Variants in TRDN observed in about 807,000 individuals in gnomAD.
The protein encoded by TRDN is triadin in skeletal muscle.
In TRDN, 161 loss-of-function variants were observed where a neutral mutation model predicts 149.7. The observed-to-expected ratio is 1.08, with a 90% CI of 0.95 to 1.23. The LOEUF (loss-of-function observed/expected upper bound fraction) is 1.23. Ranked by LOEUF, TRDN falls within the 50% of genes most tolerant of loss-of-function variation. TRDN has a pLI of 0.00. For missense variants in TRDN, 896 were observed against 823.5 expected (o/e 1.09, Z -1.08); for synonymous variants, 294 against 250.5 (o/e 1.17, Z -1.64).
At chr6:123,632,841 G>A (rs1054211170) in intron 1 of TRDN, among the ~76,000 whole-genome samples, 2 of 151,914 alleles carry the variant, frequency 1.3e-5, no homozygotes, top group Non-Finnish European at 2.9e-5. Flanking sequence ...AAGTAGTCTG[G>A]CTGTGAATTC....
At chr6:123,333,798 C>T (rs1779756982) in intron 22 of TRDN, among the ~76,000 whole-genome samples, 1 of 151,948 alleles carries the variant, frequency 6.6e-6, no homozygotes, top group Non-Finnish European at 1.5e-5. Context: ...TCTTGTTTGT[C>T]AAAAGCAGAA....
intron 20 of TRDN, among the ~76,000 whole-genome samples, chr6:123,360,623 C>T (rs1403096860): frequency 3.3e-5 from 5 of 151,216 alleles, no homozygotes; most frequent in African/African-American, 1.2e-4. Context: ...TTGTGGAAGG[C>T]CAGAGGCAGT....
intron 8 of TRDN, among the ~76,000 whole-genome samples, chr6:123,499,876 C>T (rs1263473357): frequency 1.3e-5 from 2 of 150,266 alleles, no homozygotes; most frequent in African/African-American, 2.4e-5. Flanking sequence ...TATTGGTAAT[C>T]TAGAGATGAT....
At chr6:123,223,672 TCTTCCTTC>T (rs59071931) in intron 39 of TRDN, among the ~76,000 whole-genome samples, 2,776 of 105,764 alleles carry the variant, frequency 0.026, 57 homozygotes, top group African/African-American at 0.055. Context: ...GCCTTCCATT[TCTTCCTTC>T]CTTCCTTCCT....
At chr6:123,514,002 T>C (rs4612191) in intron 6 of TRDN, among the ~76,000 whole-genome samples, 128,900 of 152,112 alleles carry the variant, frequency 0.85, 54,674 homozygotes, top group East Asian at 0.88. Flanking sequence ...AAAATTAAGT[T>C]AGAATCTTAC....
At chr6:123,616,177 C>A (rs1408217176) in intron 1 of TRDN, among the ~76,000 whole-genome samples, 3 of 151,962 alleles carry the variant, frequency 2.0e-5, no homozygotes, top group Non-Finnish European at 4.4e-5. Context: ...ACAGTAAGAT[C>A]CTGTCTCTAC....
chr6:123,297,049 C>T (rs1189464805), intron 24 of TRDN, among the ~76,000 whole-genome samples: 2 of 151,964 alleles, frequency 1.3e-5, no homozygotes, highest in African/African-American at 4.8e-5. Flanking sequence ...TTGGAAAGTC[C>T]TTTAAACAAG....
intron 8 of TRDN, among the ~76,000 whole-genome samples, chr6:123,499,563 G>A (rs1778589924): frequency 6.7e-6 from 1 of 150,200 alleles, no homozygotes; most frequent in African/African-American, 2.4e-5. Flanking sequence ...AATTAGCTGG[G>A]CATGGTGGAG....
intron 1 of TRDN, among the ~76,000 whole-genome samples, chr6:123,591,651 A>G (rs1343573941): frequency 6.6e-6 from 1 of 152,222 alleles, no homozygotes; most frequent in East Asian, 1.9e-4. Flanking sequence ...AAGGAAATAC[A>G]CGTATTTTAA....
intron 10 of TRDN, among the ~76,000 whole-genome samples, chr6:123,440,145 T>A (rs1444923288): frequency 6.6e-6 from 1 of 152,198 alleles, no homozygotes; most frequent in African/African-American, 2.4e-5. Context: ...CTTTTTTACC[T>A]ACAAGATCAA....
At chr6:123,622,214 G>A (rs9372753) in intron 1 of TRDN, among the ~76,000 whole-genome samples, 54,319 of 151,364 alleles carry the variant, frequency 0.36, 10,166 homozygotes, top group East Asian at 0.6. Context: ...CCACTAAATG[G>A]ATACTAAATA....
intron 2 of TRDN, among the ~76,000 whole-genome samples, chr6:123,563,594 C>T (rs573091388): frequency 4.6e-5 from 7 of 152,178 alleles, no homozygotes; most frequent in East Asian, 1.9e-4. Context: ...TTCCAAGCTA[C>T]GATTCAACAG....
intron 1 of TRDN, among the ~76,000 whole-genome samples, chr6:123,589,164 G>A (rs111435617): frequency 0.015 from 2,241 of 152,282 alleles, 55 homozygotes; most frequent in African/African-American, 0.05. Flanking sequence ...TTGTGAATTA[G>A]AAGTTTGCGG....
intron 9 of TRDN, among the ~76,000 whole-genome samples, chr6:123,465,600 A>G (rs928049871): frequency 1.3e-5 from 2 of 149,468 alleles, no homozygotes; most frequent in Non-Finnish European, 3.0e-5. Flanking sequence ...AAAAAAAAAA[A>G]AAAAGAGAGA....
At chr6:123,285,683 C>T (rs1001115022) in intron 24 of TRDN, among the ~76,000 whole-genome samples, 12 of 151,784 alleles carry the variant, frequency 7.9e-5, no homozygotes, top group Admixed American at 4.6e-4. Flanking sequence ...TATGATAAAT[C>T]GGTGGGACTT....
At chr6:123,346,790 G>A (rs1417819880) in intron 21 of TRDN, among the ~76,000 whole-genome samples, 1 of 151,890 alleles carries the variant, frequency 6.6e-6, no homozygotes, top group Non-Finnish European at 1.5e-5. Flanking sequence ...TGTGGAGTTC[G>A]AACTGTGTTG....
chr6:123,287,821 T>C (rs1270792202), intron 24 of TRDN, among the ~76,000 whole-genome samples: 6 of 152,052 alleles, frequency 3.9e-5, no homozygotes, highest in Non-Finnish European at 8.8e-5. Context: ...GATGTTCTAA[T>C]GGAGGTAATA....
In TRDN at chr6:123,413,618, G is replaced by A. The variant is rs184336206; in HGVS notation, c.1052-19941C>T. On this transcript the variant is annotated intron_variant, in intron 12 of 40. Coordinates refer to ENST00000334268, the MANE Select transcript of TRDN (RefSeq NM_006073.4). ...TCCAGGAATAAATAGGGCATTGTAA[G>A]AAAAAGCACTTGACAAGAGAAAGAG... Among the ~76,000 whole-genome samples, 60 of 152,222 alleles carry A rather than the reference G, an allele frequency of 3.9e-4. 1 individual carries two copies. Among genetic ancestry groups the A allele is most frequent in the Admixed American group, 3.9e-3 (59 of 15,296 alleles).
intron 1 of TRDN, among the ~76,000 whole-genome samples, chr6:123,610,014 T>TA (rs1258006847): frequency 6.6e-6 from 1 of 152,146 alleles, no homozygotes; most frequent in African/African-American, 2.4e-5. Context: ...AAACTAAAGT[T>TA]ACAACTGGAG....
Sources: allele counts gnomAD v4.1 joint callset (sites outside exome capture counted in the v4.1 genomes callset), GRCh38; gene constraint gnomAD v4.1.1; transcripts MANE v1.5; gene names NCBI Gene and HGNC (gene_info 2026-07-23, HGNC 2026-07-21).